WWC2: variants seen among roughly 807,000 people sequenced by gnomAD.
WWC2 encodes WW and C2 domain containing 2, also known as protein WWC2.
Under a neutral mutation model 138.5 loss-of-function variants are expected in WWC2, and 101 were observed. The observed-to-expected ratio is 0.73, with a 90% confidence interval of 0.62 to 0.86. The LOEUF (loss-of-function observed/expected upper bound fraction) is 0.86. WWC2 is among the 40% of genes least tolerant of loss of function. WWC2 has a pLI of 0.00. For missense variants in WWC2, 1,420 were observed against 1,419.4 expected, an observed-to-expected ratio of 1.00 and a Z score of -0.01; for synonymous variants, 558 against 538.4, an observed-to-expected ratio of 1.04 and a Z score of -0.50.
intron 21 of WWC2, among the ~76,000 whole-genome samples, chr4:183,295,473 TTAGCGTAGCTTGGCCA>T (rs1333572786): frequency 6.6e-6 from 1 of 152,230 alleles, no homozygotes; most frequent in Non-Finnish European, 1.5e-5. Flanking sequence ...GTCTGTGGCC[TTAGCGTAGCTTGGCCA>T]TGTGAGGGCC....
chr4:183,270,904 T>A (rs1410291026), intron 15 of WWC2, among the ~76,000 whole-genome samples, 176 bp from the exon 16 acceptor site: 1 of 152,222 alleles, frequency 6.6e-6, no homozygotes, highest in African/African-American at 2.4e-5. Flanking sequence ...GCTGAAAATA[T>A]AACATATCCC....
rs146018309 is a variant in WWC2 at position 183,140,078 on chromosome 4, C to T, written c.131+40456C>T. ...CTGCCTGCCTCTGCCTTACAAAGTC[C>T]TGGGATTATAGGCGTGAGCCACTGC... On this transcript the variant is annotated intron_variant, in intron 1 of 22. Transcript: ENST00000403733. Among the ~76,000 whole-genome samples the T allele has an allele frequency of 4.2e-3, 637 of 152,324 alleles. 5 individuals are homozygous for T. Among genetic ancestry groups the T allele is most frequent in the African/African-American group, 0.015 (610 of 41,570 alleles).
intron 4 of WWC2, among the ~76,000 whole-genome samples, chr4:183,215,465 C>CAG (rs1281264684): frequency 6.6e-6 from 1 of 151,616 alleles, no homozygotes; most frequent in Non-Finnish European, 1.5e-5. Context: ...AAAAGCAAGA[C>CAG]AGAAAGAAAA....
chr4:183,188,216 A>G (rs1042318833), intron 1 of WWC2, among the ~76,000 whole-genome samples: 3 of 152,020 alleles, frequency 2.0e-5, no homozygotes, highest in African/African-American at 7.2e-5. Flanking sequence ...TTAGGAAGAG[A>G]TGATTCTCCC....
intron 1 of WWC2, among the ~76,000 whole-genome samples, chr4:183,130,018 T>C (rs1732873888): frequency 6.6e-6 from 1 of 152,086 alleles, no homozygotes; most frequent in South Asian, 2.1e-4. Context: ...AAGCGTATGC[T>C]CTTATTTGGT....
In WWC2 at chr4:183,099,410, A is replaced by C. The variant is rs1381457372; in HGVS notation, c.-82A>C. The C allele has an allele frequency of 8.6e-7, 1 of 1,168,146 alleles. No individual in the cohort carries two copies. Among genetic ancestry groups the C allele is most frequent in the Non-Finnish European group, 1.1e-6 (1 of 942,546 alleles). The allele number at this position is 1,168,146 out of a possible 1,614,324, so 72.4% of individuals were successfully genotyped here. On this transcript the variant is annotated 5_prime_UTR_variant, in exon 1 of 23. Coordinates refer to ENST00000403733, the MANE Select transcript of WWC2 (RefSeq NM_024949.6). ...GCCGGCGCCCGCGTCGCGGGTTGGCAGCCTAGCCCGGCAGCCGCGTTCCCG... is the reference window on the plus strand; with the variant it reads ...GCCGGCGCCCGCGTCGCGGGTTGGCCGCCTAGCCCGGCAGCCGCGTTCCCG...
At chr4:183,253,501 G>C (rs779328708) in intron 8 of WWC2, among the ~76,000 whole-genome samples, 1 of 152,092 alleles carries the variant, frequency 6.6e-6, no homozygotes, top group Admixed American at 6.5e-5. Context: ...TTGTCAGGTA[G>C]CTGGGTATGC....
chr4:183,308,565 A>G (rs557815222), intron 21 of WWC2, among the ~76,000 whole-genome samples: 1 of 152,278 alleles, frequency 6.6e-6, no homozygotes, highest in South Asian at 2.1e-4. Context: ...ACTTAAATAT[A>G]CAGTCATCCT....
chr4:183,289,934 G>T (rs1738389201), intron 21 of WWC2, among the ~76,000 whole-genome samples: 1 of 151,722 alleles, frequency 6.6e-6, no homozygotes. Flanking sequence ...GTGGGAAGTA[G>T]TCATAATTTC....
intron 1 of WWC2, among the ~76,000 whole-genome samples, chr4:183,128,544 T>G (rs2111065310): frequency 1.3e-5 from 2 of 152,286 alleles, no homozygotes; most frequent in East Asian, 3.9e-4. Context: ...TTTTTGTGGC[T>G]CTTCCTATAA....
chr4:183,242,786 A>G lies in WWC2; in HGVS notation c.602+2524A>G, dbSNP rs144836708. On this transcript the variant is annotated intron_variant, in intron 5 of 22. Transcript: ENST00000403733. Reference sequence around the variant, plus strand: ...AAGAACTTCCAAAAGAAATTTTAAGAAAAAAAACAGCTTTTCTCATATTAA... The same window carrying G: ...AAGAACTTCCAAAAGAAATTTTAAGGAAAAAAACAGCTTTTCTCATATTAA... Among the ~76,000 whole-genome samples the G allele has an allele frequency of 8.5e-3, 1,290 of 152,074 alleles. 30 individuals are homozygous for G. The highest frequency in any genetic ancestry group is 0.029 in the African/African-American group (1,217 of 41,478).
chr4:183,198,503 A>G (rs1349580581), intron 2 of WWC2, among the ~76,000 whole-genome samples: 2 of 152,112 alleles, frequency 1.3e-5, no homozygotes, highest in South Asian at 2.1e-4. Context: ...CTTTAAATGT[A>G]TTTTACATCG....
rs1302505201 is a variant in WWC2, at chr4:183,319,362, T to G, written c.*3633T>G. On this transcript the variant is annotated 3_prime_UTR_variant, in exon 23 of 23. Transcript: ENST00000403733. ...TAATGGGTGTCATTACTATTCAGTC[T>G]TGATTGATTTTGGTCTCAGACTAGA... The G allele has an allele frequency of 1.6e-6, 1 of 618,956 alleles. No individual in the cohort carries two copies. The highest frequency in any genetic ancestry group is 1.8e-5 in the African/African-American group (1 of 55,078). 38.3% of individuals were successfully genotyped at this position (618,956 alleles called of 1,614,324 possible).
chr4:183,247,162 A>G (rs980883127), intron 6 of WWC2, among the ~76,000 whole-genome samples: 3 of 152,274 alleles, frequency 2.0e-5, no homozygotes, highest in Admixed American at 6.5e-5. Flanking sequence ...GTGTGTACCT[A>G]TAGATACACA....
At position 183,314,352 on chromosome 4, in the gene WWC2, C is replaced by T. The variant is rs529128879; in HGVS notation, c.3513-1311C>T. ...AAGTCACACAACTCGCAGTTGTTGC[C>T]GAAACCTGAAGCAAAGAATCCACGA... On this transcript the variant is annotated intron_variant, in intron 22 of 22. Coordinates refer to ENST00000403733, the MANE Select transcript of WWC2 (RefSeq NM_024949.6). Among the ~76,000 whole-genome samples the T allele has an allele frequency of 1.9e-3, 284 of 152,282 alleles. 1 individual carries two copies. Among genetic ancestry groups the T allele is most frequent in the African/African-American group, 6.5e-3 (272 of 41,556 alleles).
chr4:183,176,732 T>C (rs1024399162), intron 1 of WWC2, among the ~76,000 whole-genome samples: 1 of 152,060 alleles, frequency 6.6e-6, no homozygotes, highest in Non-Finnish European at 1.5e-5. Context: ...CCTTTTATTT[T>C]TATTTTTGTT....
intron 22 of WWC2, among the ~76,000 whole-genome samples, chr4:183,312,897 G>A (rs1412566144): frequency 1.3e-5 from 2 of 152,196 alleles, no homozygotes; most frequent in African/African-American, 4.8e-5. Flanking sequence ...GGGGGCTCTA[G>A]GCTGTGGCAG....
At chr4:183,154,126 A>G (rs551556878) in intron 1 of WWC2, among the ~76,000 whole-genome samples, 218 of 151,910 alleles carry the variant, frequency 1.4e-3, no homozygotes, top group African/African-American at 5.1e-3. Context: ...TTTAGAAAGC[A>G]TAACTTATTT....
chr4:183,268,769 C>T (rs1737591876), intron 14 of WWC2, among the ~76,000 whole-genome samples: 1 of 152,180 alleles, frequency 6.6e-6, no homozygotes, highest in African/African-American at 2.4e-5. Context: ...ATTGCATGCT[C>T]AGGGGCGTAG....
Sources: gnomAD v4.1 joint callset for allele counts (sites outside exome capture counted in the v4.1 genomes callset) on GRCh38, gnomAD v4.1.1 for gene constraint, MANE v1.5 for transcripts, NCBI Gene and HGNC (gene_info 2026-07-23, HGNC 2026-07-21) for gene names.